The following ADAM28 variants were observed in gnomAD, a reference collection of about 807,000 sequenced individuals.
The protein encoded by ADAM28 is disintegrin and metalloproteinase domain-containing protein 28.
Under a neutral mutation model 101.2 loss-of-function variants are expected in ADAM28, and 105 were observed. The observed-to-expected ratio is 1.04, with a 90% confidence interval of 0.89 to 1.22. The LOEUF is 1.22. Ranked by LOEUF, ADAM28 falls within the 50% of genes most tolerant of loss-of-function variation. The pLI is 0.00. For synonymous variants in ADAM28, 322 were observed against 310.6 expected, an observed-to-expected ratio of 1.04 and a Z score of -0.39; for missense variants, 1,028 against 945.4, an observed-to-expected ratio of 1.09 and a Z score of -1.15.
chr8:24,327,921 A>G (rs549374578), intron 10 of ADAM28, among the ~76,000 whole-genome samples: 1 of 152,248 alleles, frequency 6.6e-6, no homozygotes, highest in South Asian at 2.1e-4. Context: ...AATACACAAT[A>G]CATTGTTATT....
At chr8:24,305,264 C>T (rs11995788) in intron 2 of ADAM28, among the ~76,000 whole-genome samples, 5,175 of 151,846 alleles carry the variant, frequency 0.034, 108 homozygotes, top group East Asian at 0.095. Flanking sequence ...ATCCTGAAAT[C>T]GTGCGTCAGT....
At chr8:24,310,466 C>A (rs1810306120) in intron 4 of ADAM28, 2 of 439,682 alleles carry the variant, frequency 4.5e-6, no homozygotes, top group Non-Finnish European at 8.2e-6. Context: ...CCTTTAAGGA[C>A]CCCTGTAGGA....
chr8:24,302,366 G>A (rs891826238), intron 2 of ADAM28, among the ~76,000 whole-genome samples: 11 of 152,102 alleles, frequency 7.2e-5, no homozygotes, highest in African/African-American at 1.2e-4. Context: ...TTGATTCCAC[G>A]TCACTGCTAC....
chr8:24,313,921 C>G (rs954744374), intron 6 of ADAM28, among the ~76,000 whole-genome samples: 3 of 151,966 alleles, frequency 2.0e-5, no homozygotes, highest in African/African-American at 7.2e-5. Flanking sequence ...CCATGCCCAG[C>G]TAATTTTGTA....
chr8:24,330,240 G>C, intron 11 of ADAM28, 125 bp downstream of exon 11: 1 of 1,174,480 alleles, frequency 8.5e-7, no homozygotes, highest in African/African-American at 1.5e-5. Context: ...GTGCATTTGT[G>C]CCAAGCCACC....
rs117565701 is a variant in ADAM28, at chr8:24,317,003, G to T, written c.577-3233G>T. Among the ~76,000 whole-genome samples, 832 of 152,024 alleles carry T rather than the reference G, an allele frequency of 5.5e-3. 5 individuals carry two copies. Among genetic ancestry groups the T allele is most frequent in the Non-Finnish European group, 8.5e-3 (576 of 67,930 alleles). ...CTTGGGAATAAATTTTACTAAGGAG[G>T]TGAAAGACCTGTATACCGAAGACAA... On this transcript the variant is annotated intron_variant, in intron 6 of 22. Transcript: ENST00000265769.
intron 14 of ADAM28, among the ~76,000 whole-genome samples, chr8:24,336,366 G>A (rs548459693): frequency 1.3e-5 from 2 of 151,488 alleles, no homozygotes; most frequent in African/African-American, 4.8e-5. Context: ...GGCGGATCAC[G>A]AGGTCAGGAG....
rs1816799374 is a variant in ADAM28, at chr8:24,358,138, T to C, written c.*3734T>C. 1.3e-5 allele frequency: 2 copies of C among 152,192 alleles called. No individual in the cohort carries two copies. The highest frequency in any genetic ancestry group is 2.9e-5 in the Non-Finnish European group (2 of 68,034). 9.4% of individuals were successfully genotyped at this position (152,192 alleles called of 1,614,324 possible). A position where few individuals can be genotyped will look rare whatever the true frequency, so the allele number is the denominator to read the frequency against. ...ATTTTAAAAATTAAAGCAAAATGTG[T>C]ATAAACTTTATTACTGCTTCCCACA... is the stretch of plus-strand genomic sequence containing the variant. On this transcript the variant is annotated 3_prime_UTR_variant, in exon 23 of 23. Coordinates refer to ENST00000265769, the MANE Select transcript of ADAM28 (RefSeq NM_014265.6).
intron 4 of ADAM28, among the ~76,000 whole-genome samples, chr8:24,310,944 AAAAAAC>A (rs1472594824): frequency 6.6e-6 from 1 of 152,238 alleles, no homozygotes; most frequent in Non-Finnish European, 1.5e-5. Context: ...ATCAAGAAAG[AAAAAAC>A]AAAAACCCAA....
At chr8:24,334,567 A>T (rs1813764273) in intron 13 of ADAM28, among the ~76,000 whole-genome samples, 1 of 152,180 alleles carries the variant, frequency 6.6e-6, no homozygotes, top group South Asian at 2.1e-4. Context: ...AACAGCAAAG[A>T]CATAAGAGAA....
At chr8:24,351,885 T>C in intron 20 of ADAM28, 102 bp from the exon 21 acceptor site, 1 of 1,142,986 alleles carries the variant, frequency 8.7e-7, no homozygotes, top group Non-Finnish European at 1.3e-6. Flanking sequence ...GTCAGCTTAG[T>C]TCCAAGCTTC....
rs1447919922 is a variant in ADAM28 at position 24,324,023 on chromosome 8, C to T, written c.890+20C>T. 2.5e-6 allele frequency: 4 copies of T among 1,609,026 alleles called. No homozygotes were observed. The highest frequency in any genetic ancestry group is 2.2e-5 in the East Asian group (1 of 44,744). On this transcript the variant is annotated intron_variant, in intron 9 of 22. Coordinates refer to ENST00000265769, the MANE Select transcript of ADAM28 (RefSeq NM_014265.6). The stretch of plus-strand genomic sequence containing the variant: ...AATCACGTATGTACAGATTTTCTCC[C>T]ATTGCACACTATGTGGTATTTAGTG...
rs1009673936 is a variant in ADAM28, at chr8:24,352,091, A to G, written c.2244+39A>G. 1.9e-6 allele frequency: 3 copies of G among 1,568,218 alleles called. No homozygotes were observed. In the African/African-American group the frequency reaches 4.1e-5, roughly 21 times the overall value. Reference sequence around the variant, plus strand: ...TTCTCTTAAATACCACCCTAGTTCAATCTCCAGGAAATATCGGTGAAAGTC... The same window carrying G: ...TTCTCTTAAATACCACCCTAGTTCAGTCTCCAGGAAATATCGGTGAAAGTC... On this transcript the variant is annotated intron_variant, in intron 21 of 22. Coordinates refer to ENST00000265769, the MANE Select transcript of ADAM28 (RefSeq NM_014265.6).
At chr8:24,328,773 CA>C (rs570976952) in intron 10 of ADAM28, among the ~76,000 whole-genome samples, 1 of 151,808 alleles carries the variant, frequency 6.6e-6, no homozygotes, top group African/African-American at 2.4e-5. Flanking sequence ...ACTGAAAATA[CA>C]AAAAAATTAG....
intron 16 of ADAM28, among the ~76,000 whole-genome samples, chr8:24,342,301 C>T (rs1415517199): frequency 6.6e-6 from 1 of 151,992 alleles, no homozygotes; most frequent in African/African-American, 2.4e-5. Flanking sequence ...CAAAGAGTTC[C>T]CCTGATTTTT....
intron 2 of ADAM28, 22 bp downstream of exon 2, chr8:24,300,099 A>T (rs1357957858): frequency 1.9e-6 from 3 of 1,590,002 alleles, no homozygotes; most frequent in Non-Finnish European, 2.6e-6. Context: ...GATTTATCAA[A>T]GGATCTTGAT....
chr8:24,335,849 TTAAAA>T, intron 14 of ADAM28: 11 of 1,242,100 alleles, frequency 8.9e-6, no homozygotes, highest in Non-Finnish European at 1.1e-5. Context: ...AAATTTTAAC[TTAAAA>T]TTAACAAGTT....
At chr8:24,297,736 T>A (rs1233860410) in intron 1 of ADAM28, among the ~76,000 whole-genome samples, 1 of 152,216 alleles carries the variant, frequency 6.6e-6, no homozygotes, top group Non-Finnish European at 1.5e-5. Context: ...ATATCATCAG[T>A]TAATTTCTGG....
Position 24,311,372 on chromosome 8 carries a change from T to G in ADAM28, c.318T>G (p.Tyr106Ter), listed in dbSNP as rs143415068. The change falls in exon 5 of 23, where the codon TAT becomes TAG. Residue 106 changes from tyrosine to a stop codon, truncating the protein, a stop_gained. Coordinates refer to ENST00000265769, the MANE Select transcript of ADAM28 (RefSeq NM_014265.6). LOFTEE classifies it high-confidence loss of function. ...TTSPQIMDDC[Y>*]YQGHILNEKV... is the part of the protein sequence containing the mutation. ...CCCTTTTCCTTTAGGATGATTGTTA[T>G]TATCAAGGACATATTCTTAATGAAA... 3.8e-5 allele frequency: 62 copies of G among 1,612,492 alleles called. No homozygotes were observed. The highest frequency in any genetic ancestry group is 5.1e-5 in the Non-Finnish European group (60 of 1,179,280).
Sources: allele counts gnomAD v4.1 joint callset (sites outside exome capture counted in the v4.1 genomes callset), GRCh38; gene constraint gnomAD v4.1.1; transcripts MANE v1.5; gene names NCBI Gene and HGNC (gene_info 2026-07-23, HGNC 2026-07-21).